The following MYO5C variants were observed in gnomAD, a reference collection of about 807,000 sequenced individuals.
MYO5C encodes unconventional myosin-Vc.
MYO5C carries 194 observed loss-of-function variants against 235.7 expected under a neutral mutation model. The observed-to-expected ratio is 0.82, with a 90% CI of 0.73 to 0.93. The LOEUF is 0.93. Ranked by LOEUF, MYO5C falls within the 40% of genes least tolerant of loss-of-function variation. MYO5C has a pLI of 0.00. For synonymous variants in MYO5C, 707 were observed against 754.8 expected (o/e 0.94, Z 1.04); for missense variants, 2,038 against 2,127.2 (o/e 0.96, Z 0.82).
intron 22 of MYO5C, among the ~76,000 whole-genome samples, chr15:52,236,600 C>T (rs1338048568): frequency 1.3e-5 from 2 of 152,048 alleles, no homozygotes; most frequent in Non-Finnish European, 2.9e-5. Flanking sequence ...TGCTTGAACC[C>T]GGGAGGTGGA....
chr15:52,281,307 GGGTTGAGCT>G (rs1187628097), intron 2 of MYO5C, among the ~76,000 whole-genome samples: 1 of 152,170 alleles, frequency 6.6e-6, no homozygotes, highest in African/African-American at 2.4e-5. Context: ...TACTGACAAA[GGGTTGAGCT>G]AAAGAGAGGT....
intron 1 of MYO5C, among the ~76,000 whole-genome samples, chr15:52,289,890 C>T (rs1039877032): frequency 4.6e-4 from 70 of 152,228 alleles, no homozygotes; most frequent in Non-Finnish European, 7.9e-4. Flanking sequence ...AAACCACTAG[C>T]ACTTTCTGGA....
intron 3 of MYO5C, among the ~76,000 whole-genome samples, 188 bp from the exon 4 acceptor site, chr15:52,279,205 T>G (rs1409526822): frequency 6.6e-6 from 1 of 152,154 alleles, no homozygotes; most frequent in Non-Finnish European, 1.5e-5. Flanking sequence ...GACGGTTGGT[T>G]GACAGGACAG....
intron 10 of MYO5C, among the ~76,000 whole-genome samples, chr15:52,258,379 C>G (rs539632973): frequency 1.5e-4 from 23 of 152,288 alleles, no homozygotes; most frequent in African/African-American, 5.1e-4. Context: ...GGTCACGTAA[C>G]TGGTATGCTA....
chr15:52,280,510 T>TG (rs528121333), intron 2 of MYO5C, among the ~76,000 whole-genome samples: 179 of 152,318 alleles, frequency 1.2e-3, no homozygotes, highest in Middle Eastern at 0.01. Context: ...ATTTCACCGC[T>TG]GGGGGAAGTG....
At chr15:52,253,533 T>G (rs1376602806) in intron 11 of MYO5C, 76 bp from the exon 12 acceptor site, 23 of 1,348,734 alleles carry the variant, frequency 1.7e-5, no homozygotes, top group Non-Finnish European at 2.1e-5. Flanking sequence ...TGTAAGCATT[T>G]GGAAAATGTA....
At position 52,245,996 on chromosome 15, in the gene MYO5C, A is replaced by C. The variant is rs752423396; in HGVS notation, c.2026T>G (p.Leu676Val). 7.4e-6 allele frequency: 12 copies of C among 1,614,110 alleles called. No homozygotes were observed. Among genetic ancestry groups the C allele is most frequent in the Non-Finnish European group, 1.0e-5 (12 of 1,180,050 alleles). ...IVQQLRACGVLETIRISAQSY... is the reference protein window; with the variant it reads ...IVQQLRACGVVETIRISAQSY... ...TGTGCACTAATGCGAATCGTTTCTA[A>C]AACGCCGCAGGCTCGCAGCTGCTGA... Residue 676 changes from leucine to valine, a missense_variant, in exon 17 of 41, where the codon TTA (leucine) becomes GTA (valine). Coordinates refer to ENST00000261839, the MANE Select transcript of MYO5C (RefSeq NM_018728.4).
At chr15:52,231,419 C>A (rs981927462) in intron 24 of MYO5C, among the ~76,000 whole-genome samples, 1 of 152,154 alleles carries the variant, frequency 6.6e-6, no homozygotes, top group Admixed American at 6.5e-5. Flanking sequence ...CTCCAAGACC[C>A]CTGCTTGAAA....
At chr15:52,241,341 G>A (rs1596180880) in intron 20 of MYO5C, among the ~76,000 whole-genome samples, 4 of 137,764 alleles carry the variant, frequency 2.9e-5, no homozygotes, top group Admixed American at 8.2e-5. Context: ...CTCACTGCAA[G>A]CTCCGCCTCC....
At chr15:52,253,641 C>T (rs2036519330) in intron 11 of MYO5C, among the ~76,000 whole-genome samples, 184 bp from the exon 12 acceptor site, 2 of 152,248 alleles carry the variant, frequency 1.3e-5, no homozygotes, top group African/African-American at 4.8e-5. Context: ...TAAAGCGAGT[C>T]TAGCTGTCAT....
At chr15:52,228,612 A>G (rs774114568) in intron 25 of MYO5C, among the ~76,000 whole-genome samples, 21 of 152,372 alleles carry the variant, frequency 1.4e-4, no homozygotes, top group Non-Finnish European at 2.6e-4. Context: ...TTAACATGTT[A>G]TCACCTCAAA....
At chr15:52,260,249 G>C (rs2036663557) in intron 10 of MYO5C, among the ~76,000 whole-genome samples, 2 of 152,238 alleles carry the variant, frequency 1.3e-5, no homozygotes, top group South Asian at 4.1e-4. Context: ...ACCTCCTGGA[G>C]GAGGGCTGGG....
At chr15:52,285,316 C>G (rs1212689031) in intron 1 of MYO5C, among the ~76,000 whole-genome samples, 2 of 150,590 alleles carry the variant, frequency 1.3e-5, no homozygotes, top group African/African-American at 4.9e-5. Context: ...TGCAGTGAGC[C>G]GAGATCGCAC....
At chr15:52,202,943 C>T (rs1276472380) in intron 38 of MYO5C, among the ~76,000 whole-genome samples, 6 of 134,844 alleles carry the variant, frequency 4.4e-5, no homozygotes, top group African/African-American at 8.0e-5. Flanking sequence ...TTTTTTGAGA[C>T]GGAGTTTTGC....
chr15:52,232,594 T>C, intron 24 of MYO5C, 28 bp downstream of exon 24: 1 of 1,606,602 alleles, frequency 6.2e-7, no homozygotes, highest in East Asian at 2.2e-5. Context: ...AGAAAGAAAG[T>C]AGCTTTAAGG....
At chr15:52,251,045 T>A (rs535147255) in intron 13 of MYO5C, 87 of 162,638 alleles carry the variant, frequency 5.3e-4, no homozygotes, top group African/African-American at 2.0e-3. Flanking sequence ...AAATAGAACT[T>A]CAGAAAAAAA....
intron 20 of MYO5C, 143 bp downstream of exon 20, chr15:52,241,905 C>T (rs970212314): frequency 4.1e-6 from 4 of 966,634 alleles, no homozygotes; most frequent in Admixed American, 4.9e-5. Context: ...GCCACAGCAC[C>T]TGGAAGAATC....
chr15:52,210,027 G>T lies in MYO5C; in HGVS notation c.4297-1384C>A, dbSNP rs148163504. 3.8e-3 allele frequency among the ~76,000 whole-genome samples: 584 copies of T among 152,214 alleles called. 2 individuals are homozygous for T. The highest frequency in any genetic ancestry group is 0.013 in the African/African-American group (549 of 41,510). On this transcript the variant is annotated intron_variant, in intron 35 of 40. Transcript: ENST00000261839. Reference sequence around the variant, plus strand: ...CACCCAGGCTGGAGTGCAGTGGTGTGATCTTGGCTTACTGCAACCTCTGCC... The same window carrying T: ...CACCCAGGCTGGAGTGCAGTGGTGTTATCTTGGCTTACTGCAACCTCTGCC...
Position 52,269,748 on chromosome 15 carries a change from C to G in MYO5C, c.940+5G>C. Reference sequence around the variant, plus strand: ...TACATACTTGGATGGGATATTTTCCCTTACCCAGAAGCGTGAAGGTCTTTT... The same window carrying G: ...TACATACTTGGATGGGATATTTTCCGTTACCCAGAAGCGTGAAGGTCTTTT... On this transcript the variant is annotated splice_donor_5th_base_variant and intron_variant, in intron 8 of 40. Transcript: ENST00000261839. 6.3e-7 allele frequency: 1 copy of G among 1,595,568 alleles called. No homozygotes were observed. Among genetic ancestry groups the G allele is most frequent in the African/African-American group, 1.3e-5 (1 of 74,110 alleles).
Sources: allele counts gnomAD v4.1 joint callset (sites outside exome capture counted in the v4.1 genomes callset), GRCh38; gene constraint gnomAD v4.1.1; transcripts MANE v1.5; gene names NCBI Gene and HGNC (gene_info 2026-07-23, HGNC 2026-07-21).